Variants in FBN1 observed in about 807,000 individuals in gnomAD.
FBN1 encodes fibrillin-1.
A neutral mutation model predicts 365.1 loss-of-function variants in FBN1; 29 were observed. That is an observed-to-expected ratio of 0.08 (90% confidence interval 0.06 to 0.11). The LOEUF is 0.11. Among genes scored for constraint, FBN1 ranks in the 10% least tolerant of loss-of-function variants. FBN1 has a pLI of 1.00. For synonymous variants in FBN1, 1,210 were observed against 1,270.5 expected, an observed-to-expected ratio of 0.95 and a Z score of 1.01; for missense variants, 2,476 against 3,703.2, an observed-to-expected ratio of 0.67 and a Z score of 8.60.
chr15:48,547,988 G>A (rs75849200), intron 6 of FBN1, among the ~76,000 whole-genome samples: 359 of 152,310 alleles, frequency 2.4e-3, no homozygotes, highest in African/African-American at 8.4e-3. Flanking sequence ...CATGGGAGCT[G>A]AGGGGGTGGG....
chr15:48,575,296 C>T (rs1472205349), intron 6 of FBN1, among the ~76,000 whole-genome samples: 5 of 151,628 alleles, frequency 3.3e-5, no homozygotes, highest in East Asian at 1.9e-4. Context: ...TTTAGAGCTC[C>T]GCTCAATTCT....
intron 23 of FBN1, among the ~76,000 whole-genome samples, chr15:48,493,746 A>G (rs533796713): frequency 1.7e-4 from 26 of 152,216 alleles, no homozygotes; most frequent in African/African-American, 6.0e-4. Context: ...TCTATCTGAA[A>G]CTCCAGGAGA....
chr15:48,418,410 A>G (rs1015015867), intron 63 of FBN1, among the ~76,000 whole-genome samples: 1 of 152,220 alleles, frequency 6.6e-6, no homozygotes, highest in African/African-American at 2.4e-5. Flanking sequence ...AATTTAATAA[A>G]GTTTAAATTA....
chr15:48,602,365 A>T (rs2140721720), intron 4 of FBN1, among the ~76,000 whole-genome samples: 1 of 152,218 alleles, frequency 6.6e-6, no homozygotes, highest in African/African-American at 2.4e-5. Context: ...ACTTCTTCAG[A>T]GTGGGGAGTG....
At chr15:48,578,038 A>G (rs1177789914) in intron 6 of FBN1, among the ~76,000 whole-genome samples, 2 of 152,182 alleles carry the variant, frequency 1.3e-5, no homozygotes, top group African/African-American at 4.8e-5. Context: ...TTTACATGCA[A>G]TCTACAAAAA....
chr15:48,548,470 A>G (rs1164396205), intron 6 of FBN1, among the ~76,000 whole-genome samples: 1 of 152,238 alleles, frequency 6.6e-6, no homozygotes, highest in Non-Finnish European at 1.5e-5. Context: ...CAGTGGAGCC[A>G]GTGGCAGAAT....
chr15:48,443,435 A>G (rs558180723), intron 49 of FBN1, among the ~76,000 whole-genome samples: 36 of 152,272 alleles, frequency 2.4e-4, no homozygotes, highest in African/African-American at 8.7e-4. Context: ...TTCTTTCTAT[A>G]TATATTCTGT....
intron 2 of FBN1, among the ~76,000 whole-genome samples, chr15:48,630,517 T>C (rs1169142615): frequency 2.0e-5 from 3 of 152,152 alleles, no homozygotes; most frequent in Non-Finnish European, 4.4e-5. Flanking sequence ...TGGATTAAGT[T>C]AGAACTGCTT....
At position 48,408,537 on chromosome 15, in the gene FBN1, G is replaced by A. The variant is rs1302593393; in HGVS notation, c.*2453C>T. On this transcript the variant is annotated 3_prime_UTR_variant, in exon 66 of 66. Transcript: ENST00000316623. ...TTATTGGCAAATGAAATGGGCTGAG[G>A]GGGTAGAGACAAGATATTTTCAAGC... The A allele has an allele frequency of 6.6e-6, 1 of 152,622 alleles. No individual in the cohort carries two copies. Among genetic ancestry groups the A allele is most frequent in the Non-Finnish European group, 1.5e-5 (1 of 68,038 alleles). 9.5% of individuals were successfully genotyped at this position (152,622 alleles called of 1,614,324 possible).
intron 53 of FBN1, among the ~76,000 whole-genome samples, chr15:48,435,770 A>ATG (rs539171921): frequency 4.6e-5 from 1 of 21,892 alleles, no homozygotes; most frequent in African/African-American, 8.9e-5. Context: ...ATATATGTGT[A>ATG]TATGTGTGTG....
intron 43 of FBN1, among the ~76,000 whole-genome samples, chr15:48,457,351 G>C (rs2043248772): frequency 6.6e-6 from 1 of 152,204 alleles, no homozygotes; most frequent in African/African-American, 2.4e-5. Flanking sequence ...AAGACTGGGA[G>C]TTGGGCTTGG....
At chr15:48,513,735 G>A (rs1405143386) in intron 12 of FBN1, 67 bp from the exon 13 acceptor site, 3 of 1,586,256 alleles carry the variant, frequency 1.9e-6, no homozygotes, top group Admixed American at 3.4e-5. Flanking sequence ...AGACTTTCTG[G>A]GTTCCTTTTA....
chr15:48,485,696 C>G (rs1422074612), intron 29 of FBN1, among the ~76,000 whole-genome samples, 200 bp from the exon 30 acceptor site: 1 of 152,210 alleles, frequency 6.6e-6, no homozygotes, highest in Non-Finnish European at 1.5e-5. Flanking sequence ...CCCTCTTGCT[C>G]TCTTTCACCC....
rs11299662 is a variant in FBN1 at position 48,414,894 on chromosome 15, TA to T, written c.8051+641del. The stretch of plus-strand genomic sequence containing the variant: ...CTGGGCGACAGAGCAAGACTCCGTC[TA>T]AAAAAAAAAAAAAAAGGCCTTCCCT... On this transcript the variant is annotated intron_variant, in intron 64 of 65. Coordinates refer to ENST00000316623, the MANE Select transcript of FBN1 (RefSeq NM_000138.5). Among the ~76,000 whole-genome samples the T allele has an allele frequency of 0.86, 118,106 of 137,068 alleles. 50,724 individuals are homozygous for T. Among genetic ancestry groups the T allele is most frequent in the Middle Eastern group, 0.92 (243 of 264 alleles). The allele number at this position is 137,068 out of a possible 152,430, so 89.9% of individuals were successfully genotyped here. A position where few individuals can be genotyped will look rare whatever the true frequency, so the allele number is the denominator to read the frequency against.
At chr15:48,639,231 G>A (rs1350140580) in intron 2 of FBN1, among the ~76,000 whole-genome samples, 1 of 152,180 alleles carries the variant, frequency 6.6e-6, no homozygotes, top group Non-Finnish European at 1.5e-5. Flanking sequence ...CTTAACCTCT[G>A]CATACCTCGG....
intron 13 of FBN1, among the ~76,000 whole-genome samples, chr15:48,511,947 C>T (rs184162858): frequency 1.5e-4 from 23 of 152,158 alleles, no homozygotes; most frequent in Non-Finnish European, 3.2e-4. Context: ...TTGCAAAATG[C>T]CTAGTATGCT....
chr15:48,531,034 G>T (rs1342108878), intron 8 of FBN1, among the ~76,000 whole-genome samples: 1 of 152,104 alleles, frequency 6.6e-6, no homozygotes, highest in Non-Finnish European at 1.5e-5. Flanking sequence ...AAAGAAAAAT[G>T]TTCATGTGTT....
chr15:48,618,656 A>G (rs1386445811), intron 2 of FBN1, among the ~76,000 whole-genome samples: 1 of 152,202 alleles, frequency 6.6e-6, no homozygotes, highest in Non-Finnish European at 1.5e-5. Context: ...ACAGACCAGT[A>G]ACGGTCCATG....
At chr15:48,604,559 A>C (rs2044591985) in intron 4 of FBN1, among the ~76,000 whole-genome samples, 1 of 152,178 alleles carries the variant, frequency 6.6e-6, no homozygotes, top group African/African-American at 2.4e-5. Flanking sequence ...CAAATAAACA[A>C]ACAAAATCTA....
Sources: allele counts gnomAD v4.1 joint callset (sites outside exome capture counted in the v4.1 genomes callset), GRCh38; gene constraint gnomAD v4.1.1; transcripts MANE v1.5; gene names NCBI Gene and HGNC (gene_info 2026-07-23, HGNC 2026-07-21).